The following RAD51B variants were observed in gnomAD, a reference collection of about 807,000 sequenced individuals.
RAD51B encodes DNA repair protein RAD51 homolog 2.
In RAD51B, 38 loss-of-function variants were observed where a neutral mutation model predicts 42.2. That is an observed-to-expected ratio of 0.90 (90% confidence interval 0.70 to 1.18). The LOEUF is 1.18. Among genes scored for constraint, RAD51B ranks in the 50% most tolerant of loss-of-function variants. RAD51B has a pLI of 0.00. For synonymous variants in RAD51B, 154 were observed against 145.2 expected (o/e 1.06, Z -0.43); for missense variants, 373 against 400.7 (o/e 0.93, Z 0.59).
intron 7 of RAD51B, among the ~76,000 whole-genome samples, chr14:67,980,996 CA>C (rs1236603017): frequency 2.2e-4 from 34 of 152,086 alleles, no homozygotes; most frequent in Non-Finnish European, 4.6e-4. Context: ...GACTTATATT[CA>C]AAATATATAA....
chr14:68,403,428 G>A (rs771576418), intron 8 of RAD51B, among the ~76,000 whole-genome samples: 2 of 152,096 alleles, frequency 1.3e-5, no homozygotes, highest in Non-Finnish European at 2.9e-5. Context: ...GAAATGCTTA[G>A]CACAGGAGTC....
At chr14:67,999,153 A>C (rs989744607) in intron 7 of RAD51B, among the ~76,000 whole-genome samples, 2 of 151,982 alleles carry the variant, frequency 1.3e-5, no homozygotes, top group African/African-American at 4.8e-5. Flanking sequence ...CTTAACACTA[A>C]CTTTTGTCTG....
chr14:68,449,076 G>A (rs767788630), intron 9 of RAD51B, among the ~76,000 whole-genome samples: 56 of 152,158 alleles, frequency 3.7e-4, no homozygotes, highest in East Asian at 5.8e-4. Flanking sequence ...ATTACTAACC[G>A]TTTTTCATAG....
intron 7 of RAD51B, among the ~76,000 whole-genome samples, chr14:68,066,189 A>T (rs1237202576): frequency 6.6e-6 from 1 of 152,024 alleles, no homozygotes; most frequent in African/African-American, 2.4e-5. Context: ...GTTGGAAAAC[A>T]CTTACGTTGT....
chr14:68,506,219 G>A (rs1025592604), intron 10 of RAD51B, among the ~76,000 whole-genome samples: 11 of 152,166 alleles, frequency 7.2e-5, no homozygotes, highest in African/African-American at 2.4e-4. Flanking sequence ...TCCCAGCCAG[G>A]TTTCAGACAG....
downstream of RAD51B, among the ~76,000 whole-genome samples, chr14:68,482,726 A>G (rs750574692): frequency 3.3e-5 from 5 of 152,234 alleles, no homozygotes; most frequent in Non-Finnish European, 5.9e-5. Flanking sequence ...TCAGCCAAAC[A>G]TCCTAAGTGT....
chr14:68,473,379 C>T (rs916101340), intron 10 of RAD51B, among the ~76,000 whole-genome samples: 2 of 152,206 alleles, frequency 1.3e-5, no homozygotes, highest in African/African-American at 2.4e-5. Flanking sequence ...CCAAGGCGCT[C>T]TCCTTTGCTG....
Position 68,562,033 on chromosome 14 carries a change from G to T in RAD51B, c.1037-32452G>T, listed in dbSNP as rs373692000. 41 of 985,422 alleles carry T rather than the reference G, an allele frequency of 4.2e-5. 1 individual carries two copies. In the East Asian group the frequency reaches 1.7e-3, roughly 41 times the overall value. 61.0% of individuals were successfully genotyped at this position (985,422 alleles called of 1,614,324 possible). On this transcript the variant is annotated intron_variant, in intron 10 of 10. Transcript: ENST00000487270. ...GTCTGCCTCACAGCACGTCTCTGAA[G>T]CTGTCTTTGCAGAATTAGACCACAT... is the stretch of plus-strand genomic sequence containing the variant.
chr14:68,666,217 C>G (rs1251793395), intron 11 of RAD51B, among the ~76,000 whole-genome samples: 3 of 152,172 alleles, frequency 2.0e-5, no homozygotes, highest in Non-Finnish European at 4.4e-5. Flanking sequence ...TACCCAAGTC[C>G]TGATAACACA....
intron 7 of RAD51B, among the ~76,000 whole-genome samples, chr14:68,041,598 A>T (rs2076218744): frequency 6.6e-6 from 1 of 151,528 alleles, no homozygotes; most frequent in Non-Finnish European, 1.5e-5. Flanking sequence ...CTTCCCCAGC[A>T]GCCACAGGTC....
At chr14:67,835,389 C>T (rs1276359559) in intron 4 of RAD51B, among the ~76,000 whole-genome samples, 193 bp downstream of exon 4, 41 of 152,068 alleles carry the variant, frequency 2.7e-4, no homozygotes, top group Admixed American at 2.6e-3. Context: ...AAACAAAATC[C>T]TTGCTGACTG....
chr14:68,240,441 A>G (rs896222694), intron 7 of RAD51B, among the ~76,000 whole-genome samples: 2 of 152,208 alleles, frequency 1.3e-5, no homozygotes, highest in African/African-American at 4.8e-5. Flanking sequence ...TGCCTTACTA[A>G]TCAATTGCCA....
intron 7 of RAD51B, among the ~76,000 whole-genome samples, chr14:67,896,695 T>C (rs1288304091): frequency 6.6e-6 from 1 of 152,222 alleles, no homozygotes; most frequent in African/African-American, 2.4e-5. Context: ...TCAAAGGATA[T>C]TTTCTTGAGT....
At chr14:68,582,146 A>C (rs563554493) in intron 10 of RAD51B, among the ~76,000 whole-genome samples, 2 of 152,388 alleles carry the variant, frequency 1.3e-5, no homozygotes, top group South Asian at 4.1e-4. Context: ...ACAAAAGTCA[A>C]AATTGACAAA....
At chr14:68,214,849 T>A (rs143606434) in intron 7 of RAD51B, among the ~76,000 whole-genome samples, 44 of 152,328 alleles carry the variant, frequency 2.9e-4, no homozygotes, top group African/African-American at 1.0e-3. Flanking sequence ...TAGTAAAAAA[T>A]TCTCAGTTTT....
At chr14:68,648,674 A>AACACACACACACACACACAC (rs35200852) in intron 10 of RAD51B, among the ~76,000 whole-genome samples, 18 of 143,722 alleles carry the variant, frequency 1.3e-4, no homozygotes, top group South Asian at 1.2e-3. Flanking sequence ...AAAGCACACA[A>AACACACACACACACACACAC]ACACACACAC....
chr14:67,896,470 A>G (rs1367506635), intron 7 of RAD51B, among the ~76,000 whole-genome samples: 3 of 152,232 alleles, frequency 2.0e-5, no homozygotes, highest in African/African-American at 7.2e-5. Context: ...GTGGGAATTT[A>G]ACATCAGTGC....
At chr14:68,370,685 C>A (rs1259907285) in intron 8 of RAD51B, among the ~76,000 whole-genome samples, 1 of 152,022 alleles carries the variant, frequency 6.6e-6, no homozygotes, top group African/African-American at 2.4e-5. Flanking sequence ...TGGTCAGATT[C>A]AAGATAAATA....
chr14:68,171,040 C>A lies in RAD51B; in HGVS notation c.757-120844C>A, dbSNP rs192018986. On this transcript the variant is annotated intron_variant, in intron 7 of 10. Transcript: ENST00000471583. Reference sequence around the variant, plus strand: ...CCTGCTGGCCAGGGGTTTCAGGCTCCTCCTCCATAACCCATCAAGTGGCCA... The same window carrying A: ...CCTGCTGGCCAGGGGTTTCAGGCTCATCCTCCATAACCCATCAAGTGGCCA... 2.6e-5 allele frequency among the ~76,000 whole-genome samples: 4 copies of A among 152,324 alleles called. No homozygotes were observed. The East Asian group carries it at 7.7e-4, about 29-fold the overall frequency.
Sources: gnomAD v4.1 joint callset for allele counts (sites outside exome capture counted in the v4.1 genomes callset) on GRCh38, gnomAD v4.1.1 for gene constraint, MANE v1.5 for transcripts, NCBI Gene and HGNC (gene_info 2026-07-23, HGNC 2026-07-21) for gene names.